Variants in FAM227B observed in about 807,000 individuals in gnomAD.
FAM227B encodes the protein protein FAM227B.
In FAM227B, 88 loss-of-function variants were observed where a neutral mutation model predicts 73.8. The observed-to-expected ratio is 1.19, with a 90% CI of 1.00 to 1.42. The LOEUF (loss-of-function observed/expected upper bound fraction) is 1.42. Ranked by LOEUF, FAM227B falls within the 40% of genes most tolerant of loss-of-function variation. The pLI is 0.00. For synonymous variants in FAM227B, 210 were observed against 190.5 expected, an observed-to-expected ratio of 1.10 and a Z score of -0.84; for missense variants, 632 against 590.9, an observed-to-expected ratio of 1.07 and a Z score of -0.72.
chr15:49,496,352 G>GA (rs1407292770), intron 11 of FAM227B, among the ~76,000 whole-genome samples: 7 of 152,186 alleles, frequency 4.6e-5, no homozygotes, highest in African/African-American at 1.7e-4. Context: ...CCAACAAAGA[G>GA]AAAAAACTGA....
intron 10 of FAM227B, among the ~76,000 whole-genome samples, chr15:49,539,149 T>C (rs919173423): frequency 1.3e-5 from 2 of 152,168 alleles, no homozygotes; most frequent in Non-Finnish European, 2.9e-5. Flanking sequence ...GTAGTGTTTC[T>C]GGCTTGGTGA....
chr15:49,577,302 C>A, intron 6 of FAM227B: 1 of 326,518 alleles, frequency 3.1e-6, no homozygotes. Context: ...ATTCCCCACA[C>A]CCCCTGCAAA....
At chr15:49,385,536 C>T (rs566996690) in intron 11 of FAM227B, among the ~76,000 whole-genome samples, 25 of 150,544 alleles carry the variant, frequency 1.7e-4, no homozygotes, top group Admixed American at 4.0e-4. Context: ...AAGCCCAATA[C>T]GCACCAAAAT....
chr15:49,599,788 A>G (rs1285367225), intron 3 of FAM227B, among the ~76,000 whole-genome samples: 4 of 152,118 alleles, frequency 2.6e-5, no homozygotes, highest in South Asian at 2.1e-4. Flanking sequence ...TAAGACTTCA[A>G]TCTTATAAAA....
At chr15:49,345,386 T>G (rs2041321781) in intron 13 of FAM227B, among the ~76,000 whole-genome samples, 1 of 152,244 alleles carries the variant, frequency 6.6e-6, no homozygotes, top group South Asian at 2.1e-4. Context: ...TGGTGTTGAC[T>G]GAAATCTTAG....
intron 9 of FAM227B, among the ~76,000 whole-genome samples, chr15:49,548,233 AT>A (rs1280060990): frequency 6.6e-6 from 1 of 152,198 alleles, no homozygotes; most frequent in Non-Finnish European, 1.5e-5. Context: ...ATGAAGGGAT[AT>A]GGAATTTTAT....
intron 10 of FAM227B, among the ~76,000 whole-genome samples, chr15:49,519,216 C>T (rs2059606210): frequency 1.3e-5 from 2 of 152,122 alleles, no homozygotes; most frequent in Admixed American, 1.3e-4. Flanking sequence ...TTGCAGGGTA[C>T]AGCTTCCCTC....
chr15:49,618,487 A>G (rs940138025), intron 1 of FAM227B, among the ~76,000 whole-genome samples: 1 of 152,236 alleles, frequency 6.6e-6, no homozygotes, highest in Non-Finnish European at 1.5e-5. Context: ...AGGAAAGTAA[A>G]AAGTTGTATT....
At chr15:49,376,705 G>A (rs1003669255) in intron 11 of FAM227B, among the ~76,000 whole-genome samples, 1 of 151,980 alleles carries the variant, frequency 6.6e-6, no homozygotes, top group Non-Finnish European at 1.5e-5. Context: ...GGGGAGTATT[G>A]TATTAACAAT....
chr15:49,571,593 A>G (rs2075109356), intron 8 of FAM227B, among the ~76,000 whole-genome samples: 1 of 151,954 alleles, frequency 6.6e-6, no homozygotes, highest in Non-Finnish European at 1.5e-5. Flanking sequence ...AACAACAGTT[A>G]TTGGAGACTG....
chr15:49,528,862 C>T (rs193004083), intron 10 of FAM227B, among the ~76,000 whole-genome samples: 3 of 151,404 alleles, frequency 2.0e-5, no homozygotes, highest in African/African-American at 4.8e-5. Flanking sequence ...AGGTAACTTA[C>T]ACACCATTTA....
At chr15:49,433,648 TG>T (rs1435896559) in intron 11 of FAM227B, among the ~76,000 whole-genome samples, 5 of 151,634 alleles carry the variant, frequency 3.3e-5, no homozygotes, top group Non-Finnish European at 7.4e-5. Flanking sequence ...TTCAAGGAAC[TG>T]GTGGAAAATT....
At chr15:49,553,487 A>T (rs529183594) in intron 9 of FAM227B, among the ~76,000 whole-genome samples, 7 of 152,360 alleles carry the variant, frequency 4.6e-5, no homozygotes, top group African/African-American at 1.4e-4. Context: ...TGGCAAAGCC[A>T]GCCAGGCCTG....
intron 9 of FAM227B, among the ~76,000 whole-genome samples, chr15:49,550,042 G>A (rs1407238562): frequency 8.6e-5 from 12 of 139,544 alleles, no homozygotes; most frequent in African/African-American, 2.9e-4. Context: ...CGGACGGGGC[G>A]GCTGGCCGGG....
At chr15:49,382,212 G>T (rs2046584000) in intron 11 of FAM227B, among the ~76,000 whole-genome samples, 1 of 151,852 alleles carries the variant, frequency 6.6e-6, no homozygotes, top group African/African-American at 2.4e-5. Context: ...CATGATAGAA[G>T]AATTATACTG....
chr15:49,563,786 T>G (rs2074434460), intron 9 of FAM227B, among the ~76,000 whole-genome samples: 1 of 152,154 alleles, frequency 6.6e-6, no homozygotes, highest in African/African-American at 2.4e-5. Flanking sequence ...TGGCTAGCCA[T>G]ACGCTGAAGA....
At chr15:49,414,270 T>G (rs6493369) in intron 11 of FAM227B, among the ~76,000 whole-genome samples, 2 of 151,958 alleles carry the variant, frequency 1.3e-5, no homozygotes, top group Admixed American at 1.3e-4. Flanking sequence ...ACTCTTGGGT[T>G]CCTCATGCAG....
intron 11 of FAM227B, among the ~76,000 whole-genome samples, chr15:49,453,950 T>C (rs1355714594): frequency 6.6e-6 from 1 of 152,146 alleles, no homozygotes; most frequent in African/African-American, 2.4e-5. Flanking sequence ...AATCACCAAG[T>C]CCTACTATTC....
In FAM227B at chr15:49,560,492, G is replaced by C. The variant is rs2074156743; in HGVS notation, c.747+7753C>G. ...CAAGAAAAATTTCCTAATTTTGCTA[G>C]AGAGGTAGACATCCAAATTTAAAAA... On this transcript the variant is annotated intron_variant, in intron 9 of 15. Coordinates refer to ENST00000299338, the MANE Select transcript of FAM227B (RefSeq NM_152647.3). Among the ~76,000 whole-genome samples the C allele has an allele frequency of 2.0e-5, 3 of 152,222 alleles. No homozygotes were observed. In the South Asian group the frequency reaches 6.2e-4, roughly 32 times the overall value.
Sources: allele counts gnomAD v4.1 joint callset (sites outside exome capture counted in the v4.1 genomes callset), GRCh38; gene constraint gnomAD v4.1.1; transcripts MANE v1.5; gene names NCBI Gene and HGNC (gene_info 2026-07-23, HGNC 2026-07-21).